CAMTA1: variants seen among roughly 807,000 people sequenced by gnomAD.
CAMTA1 encodes calmodulin-binding transcription activator 1.
CAMTA1 carries 27 observed loss-of-function variants against 170.9 expected under a neutral mutation model. The ratio of observed to expected loss-of-function variants is 0.16; its 90% CI spans 0.12 to 0.22. The LOEUF (loss-of-function observed/expected upper bound fraction) is 0.22, where lower values mean the gene tolerates loss of function less well. Ranked by LOEUF, CAMTA1 falls within the 10% of genes least tolerant of loss-of-function variation. The pLI is 1.00. For missense variants in CAMTA1, 1,619 were observed against 2,217.2 expected (o/e 0.73, Z 5.42); for synonymous variants, 833 against 891.5 (o/e 0.93, Z 1.17).
chr1:7,203,819 T>C (rs893041456), intron 4 of CAMTA1, among the ~76,000 whole-genome samples: 1 of 151,740 alleles, frequency 6.6e-6, no homozygotes, highest in Non-Finnish European at 1.5e-5. Context: ...TTCATCAATT[T>C]TCTTTACTTT....
intron 11 of CAMTA1, among the ~76,000 whole-genome samples, chr1:7,703,391 G>A (rs1234674523): frequency 2.0e-5 from 3 of 152,224 alleles, no homozygotes; most frequent in African/African-American, 7.2e-5. Flanking sequence ...GCCAGGGCAG[G>A]CTTCGGAACA....
chr1:7,194,588 T>G (rs763518267), intron 4 of CAMTA1, among the ~76,000 whole-genome samples: 3 of 152,218 alleles, frequency 2.0e-5, no homozygotes, highest in South Asian at 2.1e-4. Context: ...CATACATTTG[T>G]TATTGTGGTG....
intron 5 of CAMTA1, among the ~76,000 whole-genome samples, chr1:7,261,367 G>A (rs1668141299): frequency 6.6e-6 from 1 of 152,232 alleles, no homozygotes; most frequent in African/African-American, 2.4e-5. Flanking sequence ...CAGCTGAGAT[G>A]CTGGTAGAGA....
intron 3 of CAMTA1, among the ~76,000 whole-genome samples, chr1:7,049,106 A>G (rs927340627): frequency 3.9e-5 from 6 of 152,222 alleles, no homozygotes; most frequent in African/African-American, 1.4e-4. Context: ...ACCCAGCATC[A>G]GCCATTCTCC....
At chr1:7,422,401 C>A (rs960048416) in intron 5 of CAMTA1, among the ~76,000 whole-genome samples, 1 of 151,976 alleles carries the variant, frequency 6.6e-6, no homozygotes. Context: ...CAGCAGATCC[C>A]GGCTTCCACG....
At chr1:7,037,340 T>C (rs922656682) in intron 3 of CAMTA1, among the ~76,000 whole-genome samples, 1 of 152,130 alleles carries the variant, frequency 6.6e-6, no homozygotes, top group African/African-American at 2.4e-5. Context: ...GAGGGGTGCG[T>C]GAGGCAGAGA....
At chr1:6,907,295 G>A (rs2149251070) in intron 3 of CAMTA1, among the ~76,000 whole-genome samples, 1 of 152,274 alleles carries the variant, frequency 6.6e-6, no homozygotes, top group East Asian at 1.9e-4. Context: ...CATAGTCCCT[G>A]ACCTCTAGGA....
intron 4 of CAMTA1, among the ~76,000 whole-genome samples, chr1:7,204,046 G>A (rs1412143762): frequency 1.3e-5 from 2 of 151,636 alleles, no homozygotes; most frequent in Non-Finnish European, 2.9e-5. Flanking sequence ...CACTGTGTTA[G>A]CCAAGATGGT....
rs114680946 is a variant in CAMTA1 at position 7,124,805 on chromosome 1, C to T, written c.302+33434C>T. On this transcript the variant is annotated intron_variant, in intron 4 of 22. Coordinates refer to ENST00000303635, the MANE Select transcript of CAMTA1 (RefSeq NM_015215.4). ...CTTGTTAGCTGAGAAGATTTAACGT[C>T]GCCCTCCCCAAGTTTTCTGCAATTT... is the stretch of plus-strand genomic sequence containing the variant. Among the ~76,000 whole-genome samples, 324 of 152,262 alleles carry T rather than the reference C, an allele frequency of 2.1e-3. 2 individuals are homozygous for T. The highest frequency in any genetic ancestry group is 7.1e-3 in the African/African-American group (296 of 41,552).
At chr1:7,058,130 T>C (rs115906191) in intron 3 of CAMTA1, among the ~76,000 whole-genome samples, 3,725 of 152,110 alleles carry the variant, frequency 0.024, 159 homozygotes, top group African/African-American at 0.084. Context: ...CTGCCAGACA[T>C]TGGGGCTGTG....
At position 7,063,524 on chromosome 1, in the gene CAMTA1, T is replaced by A. The variant is rs1164616728; in HGVS notation, c.235-27780T>A. Among the ~76,000 whole-genome samples, 1 of 152,234 alleles carries A rather than the reference T, an allele frequency of 6.6e-6. No individual in the cohort carries two copies. Among genetic ancestry groups the A allele is most frequent in the African/African-American group, 2.4e-5 (1 of 41,474 alleles). ...GCAGACTACCTTCTAGACAGAACTTTCCAACTCTTGAAAGATTTCTTCTGA... is the reference window on the plus strand; with the variant it reads ...GCAGACTACCTTCTAGACAGAACTTACCAACTCTTGAAAGATTTCTTCTGA... On this transcript the variant is annotated intron_variant, in intron 3 of 22. Transcript: ENST00000303635. The surrounding 1 kb of genome is among the most constrained non-coding windows in gnomAD (Gnocchi z 4.3).
At chr1:7,266,219 G>A (rs1668901069) in intron 5 of CAMTA1, among the ~76,000 whole-genome samples, 1 of 152,148 alleles carries the variant, frequency 6.6e-6, no homozygotes, top group South Asian at 2.1e-4. Flanking sequence ...AGGGAACAAG[G>A]AACATGGTTC....
intron 3 of CAMTA1, among the ~76,000 whole-genome samples, chr1:7,002,516 T>C (rs56263033): frequency 3.3e-5 from 5 of 152,356 alleles, no homozygotes; most frequent in Non-Finnish European, 5.9e-5. Flanking sequence ...AGTGTTGTTA[T>C]TCACGGGGTC....
intron 3 of CAMTA1, among the ~76,000 whole-genome samples, chr1:6,955,325 G>A (rs1689267358): frequency 6.6e-6 from 1 of 152,166 alleles, no homozygotes; most frequent in Non-Finnish European, 1.5e-5. Flanking sequence ...CCTCTTCCCT[G>A]GCGCCAGAGG....
chr1:7,180,554 A>G (rs1226797301), intron 4 of CAMTA1, among the ~76,000 whole-genome samples: 4 of 115,760 alleles, frequency 3.5e-5, no homozygotes, highest in Middle Eastern at 9.6e-3. Context: ...GCCCCCCTCT[A>G]TCATCCTGAA....
intron 3 of CAMTA1, among the ~76,000 whole-genome samples, chr1:6,966,284 T>G (rs769766995): frequency 2.9e-4 from 44 of 152,214 alleles, no homozygotes; most frequent in Non-Finnish European, 5.9e-4. Context: ...CCCCAGTCTA[T>G]TTTAGGACAT....
intron 3 of CAMTA1, among the ~76,000 whole-genome samples, chr1:6,991,974 T>G (rs1053114151): frequency 6.6e-6 from 1 of 152,248 alleles, no homozygotes; most frequent in African/African-American, 2.4e-5. Flanking sequence ...AGTGCTGGGA[T>G]TACAGGCGTG....
intron 5 of CAMTA1, among the ~76,000 whole-genome samples, chr1:7,317,502 T>C (rs1420320750): frequency 6.6e-6 from 1 of 152,252 alleles, no homozygotes; most frequent in Non-Finnish European, 1.5e-5. Flanking sequence ...CAGTAAACAC[T>C]GCTTACAAGT....
At chr1:7,303,901 C>T (rs956941361) in intron 5 of CAMTA1, among the ~76,000 whole-genome samples, 15 of 152,178 alleles carry the variant, frequency 9.9e-5, no homozygotes, top group Admixed American at 9.2e-4. Flanking sequence ...CCTTTGAGAT[C>T]ACAGAACAAC....
Sources: gnomAD v4.1 joint callset for allele counts (sites outside exome capture counted in the v4.1 genomes callset) on GRCh38, gnomAD v4.1.1 for gene constraint, Gnocchi (gnomAD v3.1) non-coding constraint, MANE v1.5 for transcripts, NCBI Gene and HGNC (gene_info 2026-07-23, HGNC 2026-07-21) for gene names.